PRKN: variants seen among roughly 807,000 people sequenced by gnomAD.
PRKN encodes E3 ubiquitin-protein ligase parkin.
A neutral mutation model predicts 59.5 loss-of-function variants in PRKN; 56 were observed. The observed-to-expected ratio is 0.94, with a 90% confidence interval of 0.76 to 1.18. The LOEUF is 1.18. Among genes scored for constraint, PRKN ranks in the 50% most tolerant of loss-of-function variants. The probability of loss-of-function intolerance (pLI) is 0.00; values close to 1 mark genes in which losing one functional copy is unlikely to be tolerated. For synonymous variants in PRKN, 250 were observed against 222.1 expected (o/e 1.13, Z -1.12); for missense variants, 657 against 596.4 (o/e 1.10, Z -1.06).
At chr6:162,466,380 G>C (rs1791416279) in intron 1 of PRKN, among the ~76,000 whole-genome samples, 1 of 152,072 alleles carries the variant, frequency 6.6e-6, no homozygotes, top group Admixed American at 6.6e-5. Context: ...TATTAACTTT[G>C]AATAGATGCT....
At chr6:161,872,961 C>CTTTTTT (rs112827816) in intron 6 of PRKN, among the ~76,000 whole-genome samples, 1 of 139,606 alleles carries the variant, frequency 7.2e-6, no homozygotes. Context: ...ACAGTAATGA[C>CTTTTTT]TTTTTTTTTT....
At chr6:161,986,020 G>A (rs1243352260) in intron 5 of PRKN, among the ~76,000 whole-genome samples, 2 of 152,080 alleles carry the variant, frequency 1.3e-5, no homozygotes, top group African/African-American at 4.8e-5. Flanking sequence ...ATTATGTCCG[G>A]TGCCTAAGCT....
chr6:162,280,620 G>A (rs1029253940), intron 2 of PRKN, among the ~76,000 whole-genome samples: 8 of 151,726 alleles, frequency 5.3e-5, no homozygotes, highest in Admixed American at 1.3e-4. Flanking sequence ...GTGAAACCCC[G>A]TCTCTACTAA....
chr6:162,463,547 G>C (rs934907504), intron 1 of PRKN, among the ~76,000 whole-genome samples: 1 of 152,090 alleles, frequency 6.6e-6, no homozygotes, highest in Non-Finnish European at 1.5e-5. Context: ...CTGAGCTCCG[G>C]GTTCCTCTCC....
chr6:162,644,257 C>T (rs1452657373), intron 1 of PRKN, among the ~76,000 whole-genome samples: 1 of 152,180 alleles, frequency 6.6e-6, no homozygotes, highest in Non-Finnish European at 1.5e-5. Flanking sequence ...TCACAGTCCA[C>T]ACCATCCTCC....
rs73783394 is a variant in PRKN, at chr6:161,760,014, T to C, written c.871+25758A>G. Among the ~76,000 whole-genome samples the C allele has an allele frequency of 3.8e-3, 571 of 151,492 alleles. 5 individuals carry two copies. Among genetic ancestry groups the C allele is most frequent in the African/African-American group, 0.012 (514 of 41,234 alleles). On this transcript the variant is annotated intron_variant, in intron 7 of 11. Transcript: ENST00000366898. ...TTGAACCACAAATAATACTTCTCAA[T>C]CAAATGGCCTTTTATCTTTCTTGTC...
intron 7 of PRKN, among the ~76,000 whole-genome samples, chr6:161,711,107 A>G (rs76007328): frequency 0.018 from 2,770 of 152,268 alleles, 91 homozygotes; most frequent in African/African-American, 0.063. Flanking sequence ...ACTTAAAAAA[A>G]TAGGCACAAG....
intron 1 of PRKN, among the ~76,000 whole-genome samples, chr6:162,481,710 A>G (rs1182373709): frequency 1.3e-5 from 2 of 152,158 alleles, no homozygotes; most frequent in Non-Finnish European, 2.9e-5. Context: ...TTGATTAACT[A>G]AAATATTTTT....
At position 161,473,057 on chromosome 6, in the gene PRKN, G is replaced by C. The variant is rs1790871849; in HGVS notation, c.1083+75797C>G. On this transcript the variant is annotated intron_variant, in intron 9 of 11. Transcript: ENST00000366898. The surrounding 1 kb of genome is among the most constrained non-coding windows in gnomAD (Gnocchi z 4.1). ...CATGCTGTTGGTGGGAATGTAAATT[G>C]TTGCAGCCTTTATGGAAAACAGTAC... Among the ~76,000 whole-genome samples the C allele has an allele frequency of 1.3e-5, 2 of 152,106 alleles. No individual in the cohort carries two copies.
intron 4 of PRKN, among the ~76,000 whole-genome samples, chr6:162,138,546 C>A (rs1426532954): frequency 1.3e-5 from 2 of 151,672 alleles, no homozygotes; most frequent in Admixed American, 6.6e-5. Context: ...GGAACCACAA[C>A]CAGGAGAAAA....
At chr6:162,706,921 C>T (rs181789722) in intron 1 of PRKN, among the ~76,000 whole-genome samples, 5 of 152,112 alleles carry the variant, frequency 3.3e-5, no homozygotes, top group African/African-American at 1.2e-4. Context: ...TGTTTGAAAA[C>T]AACTTCTCTT....
At chr6:162,410,424 C>T (rs1026501245) in intron 2 of PRKN, among the ~76,000 whole-genome samples, 1 of 152,210 alleles carries the variant, frequency 6.6e-6, no homozygotes, top group African/African-American at 2.4e-5. Context: ...GGAAAGTCCA[C>T]ACCCTCCATC....
intron 7 of PRKN, among the ~76,000 whole-genome samples, chr6:161,673,810 G>T (rs1784993688): frequency 6.6e-6 from 1 of 152,166 alleles, no homozygotes; most frequent in Non-Finnish European, 1.5e-5. Context: ...AGCATGTGTG[G>T]TGTGAGAGCA....
At chr6:162,028,269 T>C (rs1783510971) in intron 5 of PRKN, among the ~76,000 whole-genome samples, 1 of 152,222 alleles carries the variant, frequency 6.6e-6, no homozygotes, top group South Asian at 2.1e-4. Flanking sequence ...GCCATCAGTT[T>C]TCTATCTTCT....
At chr6:162,483,203 T>C in intron 1 of PRKN, among the ~76,000 whole-genome samples, 1 of 151,990 alleles carries the variant, frequency 6.6e-6, no homozygotes, top group East Asian at 1.9e-4. Context: ...GATATTCGAG[T>C]CTGGGTCCTC....
chr6:162,647,531 A>C (rs1423039851), intron 1 of PRKN, among the ~76,000 whole-genome samples: 3 of 152,168 alleles, frequency 2.0e-5, no homozygotes, highest in Non-Finnish European at 4.4e-5. Flanking sequence ...CAGGAATCTA[A>C]GTGAGAGGTA....
At chr6:162,257,237 G>A (rs1372002069) in intron 3 of PRKN, among the ~76,000 whole-genome samples, 5 of 152,142 alleles carry the variant, frequency 3.3e-5, no homozygotes, top group Middle Eastern at 3.2e-3. Context: ...TCAAGAGGCC[G>A]GGGTCAGTGG....
chr6:161,499,535 C>T lies in PRKN; in HGVS notation c.1083+49319G>A, dbSNP rs1158730883. On this transcript the variant is annotated intron_variant, in intron 9 of 11. Coordinates refer to ENST00000366898, the MANE Select transcript of PRKN (RefSeq NM_004562.3). The surrounding 1 kb of genome is among the most constrained non-coding windows in gnomAD (Gnocchi z 4.2). ...GAATGTGGGACCTCTCTTCTAGCCTCTTGCATCTACCTCTATGGTTTGACT... is the reference window on the plus strand; with the variant it reads ...GAATGTGGGACCTCTCTTCTAGCCTTTTGCATCTACCTCTATGGTTTGACT... Among the ~76,000 whole-genome samples, 7 of 152,166 alleles carry T rather than the reference C, an allele frequency of 4.6e-5. No individual in the cohort carries two copies. The highest frequency in any genetic ancestry group is 3.9e-4 in the East Asian group (2 of 5,186).
At chr6:162,467,044 G>A (rs1325666289) in intron 1 of PRKN, among the ~76,000 whole-genome samples, 1 of 152,020 alleles carries the variant, frequency 6.6e-6, no homozygotes, top group Non-Finnish European at 1.5e-5. Flanking sequence ...ATGATTCCCT[G>A]GATTCTATTA....
Sources: gnomAD v4.1 joint callset for allele counts (sites outside exome capture counted in the v4.1 genomes callset) on GRCh38, gnomAD v4.1.1 for gene constraint, Gnocchi (gnomAD v3.1) non-coding constraint, MANE v1.5 for transcripts, NCBI Gene and HGNC (gene_info 2026-07-23, HGNC 2026-07-21) for gene names.